ZSCAN31: variants seen among roughly 807,000 people sequenced by gnomAD.
ZSCAN31 encodes the protein zinc finger and SCAN domain-containing protein 31.
ZSCAN31 carries 14 observed loss-of-function variants against 22.5 expected under a neutral mutation model. The observed-to-expected ratio is 0.62, with a 90% confidence interval of 0.41 to 0.97. The LOEUF (loss-of-function observed/expected upper bound fraction) is 0.97. ZSCAN31 is among the 50% of genes least tolerant of loss of function. The pLI is 0.00. For missense variants in ZSCAN31, 424 were observed against 483.4 expected, an observed-to-expected ratio of 0.88 and a Z score of 1.15; for synonymous variants, 168 against 169.8, an observed-to-expected ratio of 0.99 and a Z score of 0.08.
chr6:28,342,467 A>T (rs908624703), intron 2 of ZSCAN31, among the ~76,000 whole-genome samples: 1 of 152,174 alleles, frequency 6.6e-6, no homozygotes, highest in Admixed American at 6.5e-5. Context: ...ATCTGGCTAG[A>T]TAAGTACTGG....
intron 2 of ZSCAN31, among the ~76,000 whole-genome samples, chr6:28,346,400 G>C (rs954766522): frequency 7.2e-6 from 1 of 138,146 alleles, no homozygotes; most frequent in Non-Finnish European, 1.5e-5. Context: ...TCCCAGGCTG[G>C]AGTGCAGTGT....
At chr6:28,332,559 A>G (rs17312661) in intron 1 of ZSCAN31, among the ~76,000 whole-genome samples, 24,314 of 152,260 alleles carry the variant, frequency 0.16, 2,152 homozygotes, top group African/African-American at 0.19. Context: ...AGCTTAGCGC[A>G]GTACCTGGCC....
At chr6:28,342,611 A>C (rs1042535791) in intron 2 of ZSCAN31, among the ~76,000 whole-genome samples, 1 of 152,190 alleles carries the variant, frequency 6.6e-6, no homozygotes, top group Non-Finnish European at 1.5e-5. Flanking sequence ...CTGATATATA[A>C]AGTTGGATAA....
At chr6:28,329,814 T>C in intron 1 of ZSCAN31, 36 bp from the exon 2 acceptor site, 1 of 1,213,928 alleles carries the variant, frequency 8.2e-7, no homozygotes, top group Non-Finnish European at 1.1e-6. Context: ...TGGAAATAAA[T>C]CATAAAGTAG....
At chr6:28,330,050 T>A (rs1020265357) in intron 1 of ZSCAN31, among the ~76,000 whole-genome samples, 1 of 152,198 alleles carries the variant, frequency 6.6e-6, no homozygotes, top group African/African-American at 2.4e-5. Flanking sequence ...ATTTTGCCAA[T>A]GATATTAGCA....
upstream of ZSCAN31, among the ~76,000 whole-genome samples, chr6:28,337,393 G>A (rs1764229612): frequency 6.6e-6 from 1 of 152,178 alleles, no homozygotes; most frequent in Non-Finnish European, 1.5e-5. Context: ...GCAGCCATGT[G>A]GGGATGGACT....
At position 28,331,095 on chromosome 6, in the gene ZSCAN31, C is replaced by G. The variant is rs998484036; in HGVS notation, c.-95-1317G>C. On this transcript the variant is annotated intron_variant, in intron 1 of 3. Transcript: ENST00000344279. This position sits in a 1 kb window ranked among gnomAD's most constrained non-coding sequence, Gnocchi z 4.8. ...ATATGGGATAGAAAATGGCCTTCAACTCTAGGCTTAGACGTTAGACTTGAC... is the reference window on the plus strand; with the variant it reads ...ATATGGGATAGAAAATGGCCTTCAAGTCTAGGCTTAGACGTTAGACTTGAC... 6.6e-5 allele frequency among the ~76,000 whole-genome samples: 10 copies of G among 152,118 alleles called. No homozygotes were observed. The highest frequency in any genetic ancestry group is 5.9e-4 in the Admixed American group (9 of 15,264).
intron 3 of ZSCAN31, among the ~76,000 whole-genome samples, chr6:28,327,092 A>G (rs1763341930): frequency 6.6e-6 from 1 of 152,200 alleles, no homozygotes; most frequent in Non-Finnish European, 1.5e-5. Flanking sequence ...GTACATAAGC[A>G]GGCACTATAT....
At chr6:28,335,098 A>AG (rs1441345707) in intron 1 of ZSCAN31, among the ~76,000 whole-genome samples, 5 of 152,122 alleles carry the variant, frequency 3.3e-5, no homozygotes, top group African/African-American at 1.2e-4. Context: ...CGACCTCTCT[A>AG]GGGGTCTCTC....
intron 2 of ZSCAN31, among the ~76,000 whole-genome samples, chr6:28,327,990 T>C (rs1763430387): frequency 6.6e-6 from 1 of 152,188 alleles, no homozygotes; most frequent in African/African-American, 2.4e-5. Context: ...ACATCACATG[T>C]CAGTAGGTTC....
Position 28,325,941 on chromosome 6 carries a change from C to G in ZSCAN31, c.*225G>C. On this transcript the variant is annotated 3_prime_UTR_variant, in exon 4 of 4. Transcript: ENST00000344279. ...AACCCCCTACAATCACAGTCATCCA[C>G]ACAGGAGACACCAACACCTGGTTTG... 4.6e-6 allele frequency: 2 copies of G among 436,568 alleles called. No homozygotes were observed. 27.0% of individuals were successfully genotyped at this position (436,568 alleles called of 1,614,324 possible).
At chr6:28,328,899 A>C (rs907442729) in intron 2 of ZSCAN31, among the ~76,000 whole-genome samples, 2 of 152,164 alleles carry the variant, frequency 1.3e-5, no homozygotes, top group South Asian at 4.1e-4. Flanking sequence ...TGGTCCCTCC[A>C]TTTGGGGTCC....
upstream of ZSCAN31, among the ~76,000 whole-genome samples, chr6:28,340,669 G>T (rs2159275): frequency 1.1e-4 from 16 of 152,206 alleles, no homozygotes; most frequent in Admixed American, 2.6e-4. Context: ...CCCATCTTTT[G>T]TAGTATTCTT....
At chr6:28,339,240 A>G (rs1302759384), upstream of ZSCAN31, among the ~76,000 whole-genome samples, 2 of 152,276 alleles carry the variant, frequency 1.3e-5, no homozygotes, top group East Asian at 3.9e-4. Flanking sequence ...TGATGTCAGA[A>G]TAATTTCCAT....
intron 2 of ZSCAN31, among the ~76,000 whole-genome samples, chr6:28,328,234 AG>A (rs1763457532): frequency 6.6e-6 from 1 of 152,230 alleles, no homozygotes; most frequent in African/African-American, 2.4e-5. Context: ...ATCAGGAGAC[AG>A]GGTTTTTGAG....
In ZSCAN31 at chr6:28,326,492, C is replaced by A. The variant is rs971227763; in HGVS notation, c.895G>T (p.Glu299Ter). 1 of 1,614,210 alleles carries A rather than the reference C, an allele frequency of 6.2e-7. No individual in the cohort carries two copies. The highest frequency in any genetic ancestry group is 8.5e-7 in the Non-Finnish European group (1 of 1,180,042). The change falls in exon 4 of 4, where the codon GAG becomes TAG. Residue 299 changes from glutamate to a stop codon, truncating the protein, a stop_gained. Coordinates refer to ENST00000344279, the MANE Select transcript of ZSCAN31 (RefSeq NM_030899.5). LOFTEE classifies it low-confidence loss of function (END_TRUNC). ...CTGGCACTGAAGGCTTTCCCACACT[C>A]CTTACATTGATAGGGTTTCTCTCCA... ...HTGEKPYQCK[E>*]CGKAFSASNG...
chr6:28,347,080 C>A lies in ZSCAN31; in HGVS notation c.-370-5288G>T, dbSNP rs1272500213. ...CCACCTTATACCCCTTACATCAAGG[C>A]AAGGCAATTCTTAAGGACTGTCCCA... is the stretch of plus-strand genomic sequence containing the variant. On this transcript the variant is annotated intron_variant, in intron 2 of 7. Coordinates refer to the ZSCAN31 transcript ENST00000396838. This position sits in a 1 kb window ranked among gnomAD's most constrained non-coding sequence, Gnocchi z 5.2. Among the ~76,000 whole-genome samples, 1 of 152,156 alleles carries A rather than the reference C, an allele frequency of 6.6e-6. No homozygotes were observed. The highest frequency in any genetic ancestry group is 2.4e-5 in the African/African-American group (1 of 41,434).
chr6:28,340,508 GA>G (rs908808387), upstream of ZSCAN31, among the ~76,000 whole-genome samples: 1 of 152,184 alleles, frequency 6.6e-6, no homozygotes, highest in African/African-American at 2.4e-5. Flanking sequence ...GCCATGTGAA[GA>G]AGAACATGTT....
chr6:28,340,940 G>A (rs1202304349), upstream of ZSCAN31, among the ~76,000 whole-genome samples: 3 of 152,150 alleles, frequency 2.0e-5, no homozygotes, highest in African/African-American at 4.8e-5. Flanking sequence ...CAGTGCAGGT[G>A]CAAGTCTGCT....
Sources: gnomAD v4.1 joint callset for allele counts (sites outside exome capture counted in the v4.1 genomes callset) on GRCh38, gnomAD v4.1.1 for gene constraint, Gnocchi (gnomAD v3.1) non-coding constraint, MANE v1.5 for transcripts, NCBI Gene and HGNC (gene_info 2026-07-23, HGNC 2026-07-21) for gene names.